Variants in MAGI3 observed in about 807,000 individuals in gnomAD.
The protein encoded by MAGI3 is membrane-associated guanylate kinase, WW and PDZ domain-containing protein 3.
MAGI3 carries 43 observed loss-of-function variants against 121.8 expected under a neutral mutation model. The ratio of observed to expected loss-of-function variants is 0.35; its 90% CI spans 0.28 to 0.46. The LOEUF (loss-of-function observed/expected upper bound fraction) is 0.46, where lower values mean the gene tolerates loss of function less well. MAGI3 is among the 20% of genes least tolerant of loss of function. The pLI is 1.00. For missense variants in MAGI3, 1,547 were observed against 1,797.3 expected (o/e 0.86, Z 2.52); for synonymous variants, 553 against 639.3 (o/e 0.86, Z 2.04).
At chr1:113,471,154 C>T (rs1298584776) in intron 1 of MAGI3, among the ~76,000 whole-genome samples, 2 of 152,120 alleles carry the variant, frequency 1.3e-5, no homozygotes, top group Non-Finnish European at 2.9e-5. Context: ...AATAACATTC[C>T]AGCTGACAGC....
At chr1:113,414,854 T>C (rs948844454) in intron 1 of MAGI3, among the ~76,000 whole-genome samples, 1 of 152,060 alleles carries the variant, frequency 6.6e-6, no homozygotes, top group African/African-American at 2.4e-5. Flanking sequence ...CAAGCTAACA[T>C]ATATTACTAA....
intron 1 of MAGI3, among the ~76,000 whole-genome samples, chr1:113,509,936 G>A (rs1441161755): frequency 6.6e-6 from 1 of 151,426 alleles, no homozygotes; most frequent in African/African-American, 2.4e-5. Flanking sequence ...GTTGCCTCCA[G>A]GGCCCAGCCT....
chr1:113,637,445 C>A (rs561799129), intron 9 of MAGI3, among the ~76,000 whole-genome samples: 2 of 152,158 alleles, frequency 1.3e-5, no homozygotes, highest in African/African-American at 4.8e-5. Context: ...AATCTCTCAG[C>A]ATTTGCTTGT....
Position 113,395,087 on chromosome 1 carries a change from G to GTTTTTTTTTTTTTTTTTTTTT in MAGI3, c.316+3747_316+3767dup, listed in dbSNP as rs139532433. On this transcript the variant is annotated intron_variant, in intron 1 of 20. Transcript: ENST00000307546. ...TCTTATCTCTTGAATCTTTTTGTTA[G>GTTTTTTTTTTTTTTTTTTTTT]TTTTTTTTTTTTTTTTTTTTTTTTT... Among the ~76,000 whole-genome samples the GTTTTTTTTTTTTTTTTTTTTT allele has an allele frequency of 9.0e-5, 3 of 33,244 alleles. 1 individual carries two copies. The highest frequency in any genetic ancestry group is 8.0e-4 in the Admixed American group (2 of 2,494). 21.8% of individuals were successfully genotyped at this position (33,244 alleles called of 152,430 possible). A position where few individuals can be genotyped will look rare whatever the true frequency, so the allele number is the denominator to read the frequency against.
chr1:113,414,090 G>T (rs1652161381), intron 1 of MAGI3, among the ~76,000 whole-genome samples: 1 of 152,098 alleles, frequency 6.6e-6, no homozygotes, highest in Non-Finnish European at 1.5e-5. Flanking sequence ...AGCATGAAGG[G>T]CTGTTGAATT....
intron 2 of MAGI3, among the ~76,000 whole-genome samples, chr1:113,575,096 T>C (rs2101710085): frequency 6.6e-6 from 1 of 152,294 alleles, no homozygotes; most frequent in South Asian, 2.1e-4. Flanking sequence ...TGTAACCTTT[T>C]ATCAATGCTC....
chr1:113,489,496 C>T (rs1656570785), intron 1 of MAGI3, among the ~76,000 whole-genome samples: 1 of 152,066 alleles, frequency 6.6e-6, no homozygotes, highest in Non-Finnish European at 1.5e-5. Context: ...TTCTTTCCTC[C>T]AAATGGTCAC....
chr1:113,427,572 TGTAGA>T lies in MAGI3; in HGVS notation c.316+36230_316+36234del, dbSNP rs1358176344. On this transcript the variant is annotated intron_variant, in intron 1 of 20. Transcript: ENST00000307546. The stretch of plus-strand genomic sequence containing the variant: ...ATGCTGAGACTGGCTGTCTTTCTTC[TGTAGA>T]GTAGAGGGCACATATAGTCCTGAAA... Among the ~76,000 whole-genome samples, 4 of 152,322 alleles carry T rather than the reference TGTAGA, an allele frequency of 2.6e-5. No individual in the cohort carries two copies. The East Asian group carries it at 5.8e-4, about 22-fold the overall frequency.
intron 6 of MAGI3, among the ~76,000 whole-genome samples, chr1:113,612,163 C>T (rs1328651715): frequency 1.3e-5 from 2 of 151,932 alleles, no homozygotes; most frequent in Non-Finnish European, 2.9e-5. Context: ...AGGATGGTCT[C>T]GATCTCTTGA....
Position 113,676,642 on chromosome 1 carries a change from T to C in MAGI3, c.3189+3177T>C, listed in dbSNP as rs148820598. Among the ~76,000 whole-genome samples the C allele has an allele frequency of 5.2e-4, 79 of 152,268 alleles. 1 individual carries two copies. In the East Asian group the frequency reaches 0.015, roughly 28 times the overall value. Reference sequence around the variant, plus strand: ...TCATGAGGGCTTTGCATATAACTAGTGCTCAATAAAATGTTATTGATGACA... The same window carrying C: ...TCATGAGGGCTTTGCATATAACTAGCGCTCAATAAAATGTTATTGATGACA... On this transcript the variant is annotated intron_variant, in intron 19 of 20. Transcript: ENST00000307546.
chr1:113,652,644 C>A (rs554044628), intron 14 of MAGI3, among the ~76,000 whole-genome samples: 2 of 151,260 alleles, frequency 1.3e-5, no homozygotes, highest in Non-Finnish European at 2.9e-5. Flanking sequence ...CTAATACATT[C>A]TAACTATGCA....
chr1:113,657,369 A>G (rs115985957), intron 15 of MAGI3, among the ~76,000 whole-genome samples: 123 of 152,380 alleles, frequency 8.1e-4, no homozygotes, highest in Non-Finnish European at 1.3e-3. Context: ...CTAAGACAGT[A>G]ACAATCTGAC....
In MAGI3 at chr1:113,643,743, G is replaced by C. The variant is rs368798854; in HGVS notation, c.1967G>C (p.Gly656Ala). The C allele has an allele frequency of 8.1e-6, 13 of 1,612,812 alleles. No homozygotes were observed. The highest frequency in any genetic ancestry group is 1.0e-5 in the Non-Finnish European group (12 of 1,179,492). The change falls in exon 11 of 21, where the codon GGT (glycine) becomes GCT (alanine). Residue 656 changes from glycine (G) to alanine (A), a missense_variant and splice_region_variant. Coordinates refer to ENST00000307546, the MANE Select transcript of MAGI3 (RefSeq NM_001142782.2). Reference sequence around the variant, plus strand: ...AACTTTGGTTCATTTTTTTTTTAAGGTCCTCCTTCACCAACCAAAACTGCC... The same window carrying C: ...AACTTTGGTTCATTTTTTTTTTAAGCTCCTCCTTCACCAACCAAAACTGCC... Reference protein sequence around the residue: ...ADVPLLILRGGPPSPTKTAKM... With the variant: ...ADVPLLILRGAPPSPTKTAKM...
intron 9 of MAGI3, among the ~76,000 whole-genome samples, chr1:113,628,699 A>G (rs995978675): frequency 1.3e-5 from 2 of 152,146 alleles, no homozygotes; most frequent in Non-Finnish European, 2.9e-5. Flanking sequence ...ATTATAGAGT[A>G]AAAGGTTTTT....
chr1:113,583,150 T>TTTA (rs1338630766), intron 3 of MAGI3, among the ~76,000 whole-genome samples: 17 of 151,216 alleles, frequency 1.1e-4, no homozygotes, highest in African/African-American at 3.4e-4. Flanking sequence ...TTTATTTATT[T>TTTA]TTATTATTAT....
chr1:113,392,597 C>G (rs1217072748), intron 1 of MAGI3, among the ~76,000 whole-genome samples: 1 of 152,144 alleles, frequency 6.6e-6, no homozygotes, highest in Admixed American at 6.5e-5. Context: ...CACACAGACT[C>G]ACATGCTCCT....
In MAGI3 at chr1:113,619,943, T is replaced by G. The variant is rs190724690; in HGVS notation, c.1171+113T>G. 5 of 660,664 alleles carry G rather than the reference T, an allele frequency of 7.6e-6. No homozygotes were observed. The Admixed American group carries it at 1.1e-4, about 15-fold the overall frequency. The allele number at this position is 660,664 out of a possible 1,614,324, so 40.9% of individuals were successfully genotyped here. A position where few individuals can be genotyped will look rare whatever the true frequency, so the allele number is the denominator to read the frequency against. ...TCTATGGCTTTGACACTAAAGAGTG[T>G]CTAGTTGTTACTGTAAAGATATGAA... On this transcript the variant is annotated intron_variant, in intron 8 of 20. Transcript: ENST00000307546.
intron 4 of MAGI3, among the ~76,000 whole-genome samples, chr1:113,587,096 CAG>C (rs1474468915): frequency 6.6e-6 from 1 of 152,190 alleles, no homozygotes; most frequent in Non-Finnish European, 1.5e-5. Context: ...CGCCTACAAA[CAG>C]AATTCACCTT....
chr1:113,637,532 T>C (rs1652118045), intron 9 of MAGI3, among the ~76,000 whole-genome samples: 1 of 152,260 alleles, frequency 6.6e-6, no homozygotes, highest in Non-Finnish European at 1.5e-5. Context: ...GATAATTCTT[T>C]TCTTTAAGAA....
Sources: gnomAD v4.1 joint callset for allele counts (sites outside exome capture counted in the v4.1 genomes callset) on GRCh38, gnomAD v4.1.1 for gene constraint, MANE v1.5 for transcripts, NCBI Gene and HGNC (gene_info 2026-07-23, HGNC 2026-07-21) for gene names.